The following ZNF438 variants were observed in gnomAD, a reference collection of about 807,000 sequenced individuals.
ZNF438 encodes the protein zinc finger protein 438.
Under a neutral mutation model 38.0 loss-of-function variants are expected in ZNF438, and 25 were observed. That is an observed-to-expected ratio of 0.66 (90% CI 0.48 to 0.92). The LOEUF is 0.92. Ranked by LOEUF, ZNF438 falls within the 40% of genes least tolerant of loss-of-function variation. The pLI is 0.00. For synonymous variants in ZNF438, 372 were observed against 364.1 expected, an observed-to-expected ratio of 1.02 and a Z score of -0.25; for missense variants, 1,007 against 999.6, an observed-to-expected ratio of 1.01 and a Z score of -0.10.
intron 2 of ZNF438, among the ~76,000 whole-genome samples, chr10:30,935,120 C>A (rs1422954466): frequency 6.6e-6 from 1 of 152,174 alleles, no homozygotes; most frequent in Non-Finnish European, 1.5e-5. Flanking sequence ...GCTTATTATT[C>A]TCACCACAAC....
chr10:30,888,994 G>A (rs1377339696), intron 3 of ZNF438, among the ~76,000 whole-genome samples: 3 of 152,128 alleles, frequency 2.0e-5, no homozygotes, highest in East Asian at 3.9e-4. Flanking sequence ...CCCACCAACA[G>A]TGTATAAGCC....
intron 1 of ZNF438, among the ~76,000 whole-genome samples, chr10:30,961,268 T>A (rs780157443): frequency 0.089 from 12,784 of 143,488 alleles, 2,010 homozygotes; most frequent in Non-Finnish European, 0.13. Flanking sequence ...AAAAAAAAAT[T>A]TTTTAATTTA....
intron 3 of ZNF438, among the ~76,000 whole-genome samples, chr10:30,893,195 C>T (rs1202089349): frequency 6.6e-6 from 1 of 152,162 alleles, no homozygotes; most frequent in Admixed American, 6.5e-5. Flanking sequence ...ATACTCAAAA[C>T]GTTTAAGGAT....
intron 1 of ZNF438, among the ~76,000 whole-genome samples, chr10:30,976,620 T>C (rs1293075618): frequency 2.6e-5 from 4 of 151,992 alleles, no homozygotes; most frequent in Non-Finnish European, 5.9e-5. Context: ...AGTGGCACAC[T>C]TATAGTACCA....
At chr10:30,988,478 T>TA (rs1564803307) in intron 1 of ZNF438, among the ~76,000 whole-genome samples, 1 of 152,076 alleles carries the variant, frequency 6.6e-6, no homozygotes, top group Non-Finnish European at 1.5e-5. Context: ...CCTTATGTAG[T>TA]ATATTATTAG....
At chr10:30,888,507 T>C (rs1326132094) in intron 3 of ZNF438, among the ~76,000 whole-genome samples, 3 of 152,126 alleles carry the variant, frequency 2.0e-5, no homozygotes, top group Non-Finnish European at 2.9e-5. Context: ...TTTTTTCTGC[T>C]CCTCTCCCTC....
chr10:31,008,862 G>T (rs2055392043), intron 1 of ZNF438, among the ~76,000 whole-genome samples: 1 of 152,194 alleles, frequency 6.6e-6, no homozygotes, highest in Admixed American at 6.5e-5. Flanking sequence ...TAAAGTGGCT[G>T]CCCATTTTAA....
intron 2 of ZNF438, chr10:30,920,050 C>T (rs2044115830): frequency 6.6e-6 from 1 of 152,224 alleles, no homozygotes; most frequent in Non-Finnish European, 1.5e-5. Flanking sequence ...TTTCCATTTT[C>T]CATCTCATCT....
rs180830835 is a variant in ZNF438 at position 30,987,839 on chromosome 10, G to A, written c.-192+43994C>T. The stretch of plus-strand genomic sequence containing the variant: ...CTTTGACTTTCCAGCCTTCCGAACC[G>A]GGAGAAATGAATTGTTGTTTAAGCC... On this transcript the variant is annotated intron_variant, in intron 1 of 5. Transcript: ENST00000413025. Among the ~76,000 whole-genome samples the A allele has an allele frequency of 1.6e-4, 25 of 152,222 alleles. No individual in the cohort carries two copies. The East Asian group carries it at 4.2e-3, about 26-fold the overall frequency.
At chr10:30,895,338 C>T (rs79384715) in intron 3 of ZNF438, among the ~76,000 whole-genome samples, 6,235 of 152,324 alleles carry the variant, frequency 0.041, 372 homozygotes, top group East Asian at 0.29. Flanking sequence ...AGTTCACTTT[C>T]AGGAGTAGTC....
intron 4 of ZNF438, among the ~76,000 whole-genome samples, chr10:30,870,441 T>C (rs1166348618): frequency 6.6e-6 from 1 of 152,058 alleles, no homozygotes; most frequent in Non-Finnish European, 1.5e-5. Flanking sequence ...TTTTTTTGCA[T>C]TTTTTGTGCT....
chr10:30,929,642 C>G (rs1380542559), intron 2 of ZNF438, among the ~76,000 whole-genome samples: 1 of 152,200 alleles, frequency 6.6e-6, no homozygotes, highest in Non-Finnish European at 1.5e-5. Context: ...TGCTTTTATT[C>G]CCTTATCTGG....
At chr10:30,858,356 T>C (rs1251849300) in intron 4 of ZNF438, among the ~76,000 whole-genome samples, 2 of 152,204 alleles carry the variant, frequency 1.3e-5, no homozygotes, top group African/African-American at 4.8e-5. Context: ...CTAGTTAAAA[T>C]AAATATGGTA....
rs114280137 is a variant in ZNF438 at position 31,023,881 on chromosome 10, A to T, written c.-192+7952T>A. ...TTTTTGCACTTTTCAAAATCAGCCA[A>T]TCTCAAACTCTGTGCTTCCTCAAAA... is the stretch of plus-strand genomic sequence containing the variant. On this transcript the variant is annotated intron_variant, in intron 1 of 5. Coordinates refer to ENST00000413025, the Ensembl canonical transcript of ZNF438. Among the ~76,000 whole-genome samples the T allele has an allele frequency of 1.9e-3, 289 of 152,304 alleles. 1 individual carries two copies. Among genetic ancestry groups the T allele is most frequent in the African/African-American group, 6.8e-3 (282 of 41,556 alleles).
chr10:30,912,863 T>C (rs924303886), intron 2 of ZNF438, among the ~76,000 whole-genome samples: 1 of 152,142 alleles, frequency 6.6e-6, no homozygotes, highest in East Asian at 1.9e-4. Context: ...ATGCATGATG[T>C]TCCCAAAATG....
intron 4 of ZNF438, among the ~76,000 whole-genome samples, chr10:30,854,082 G>A (rs2034179752): frequency 6.6e-6 from 1 of 152,214 alleles, no homozygotes; most frequent in Non-Finnish European, 1.5e-5. Context: ...CACTTTGGGA[G>A]GCCGAGACAG....
rs546413442 is a variant in ZNF438 at position 31,005,934 on chromosome 10, T to C, written c.-192+25899A>G. 1.1e-4 allele frequency among the ~76,000 whole-genome samples: 16 copies of C among 152,348 alleles called. No homozygotes were observed. The East Asian group carries it at 3.1e-3, about 29-fold the overall frequency. On this transcript the variant is annotated intron_variant, in intron 1 of 5. Transcript: ENST00000413025. ...TCTTTCATTTATTATGTTGTGACCTTGGACAACTTACTTAATCTCTCTGAG... is the reference window on the plus strand; with the variant it reads ...TCTTTCATTTATTATGTTGTGACCTCGGACAACTTACTTAATCTCTCTGAG...
chr10:30,872,141 A>C (rs571659028), intron 4 of ZNF438, among the ~76,000 whole-genome samples: 1 of 152,168 alleles, frequency 6.6e-6, no homozygotes, highest in Non-Finnish European at 1.5e-5. Context: ...CAGGCCTGTA[A>C]TCCCAGCACC....
intron 2 of ZNF438, among the ~76,000 whole-genome samples, chr10:30,933,609 C>A (rs986160340): frequency 8.5e-5 from 13 of 152,212 alleles, no homozygotes; most frequent in South Asian, 8.3e-4. Context: ...CAGAGTGAGA[C>A]CCTGTCTGTA....
Sources: gnomAD v4.1 joint callset for allele counts (sites outside exome capture counted in the v4.1 genomes callset) on GRCh38, gnomAD v4.1.1 for gene constraint, MANE v1.5 for transcripts, NCBI Gene and HGNC (gene_info 2026-07-23, HGNC 2026-07-21) for gene names.